The following SGCZ variants were observed in gnomAD, a reference collection of about 807,000 sequenced individuals.
SGCZ encodes sarcoglycan zeta.
A neutral mutation model predicts 41.3 loss-of-function variants in SGCZ; 40 were observed. The observed-to-expected ratio is 0.97, with a 90% CI of 0.75 to 1.26. SGCZ has a LOEUF of 1.26. Ranked by LOEUF, SGCZ falls within the 50% of genes most tolerant of loss-of-function variation. SGCZ has a pLI of 0.00. For synonymous variants in SGCZ, 206 were observed against 137.5 expected (o/e 1.50, Z -3.49); for missense variants, 552 against 369.8 (o/e 1.49, Z -4.04).
intron 2 of SGCZ, among the ~76,000 whole-genome samples, chr8:14,479,076 A>G (rs1201181256): frequency 1.3e-5 from 2 of 152,184 alleles, no homozygotes; most frequent in African/African-American, 4.8e-5. Flanking sequence ...AATAGAGTTT[A>G]TTAAGAAGTA....
chr8:14,483,210 G>C (rs992366948), intron 2 of SGCZ, among the ~76,000 whole-genome samples: 1 of 152,120 alleles, frequency 6.6e-6, no homozygotes, highest in African/African-American at 2.4e-5. Context: ...CAAAAAACAT[G>C]CCTTTAAAAC....
chr8:14,682,757 GT>G (rs1808491148), intron 1 of SGCZ, among the ~76,000 whole-genome samples: 1 of 152,136 alleles, frequency 6.6e-6, no homozygotes, highest in African/African-American at 2.4e-5. Flanking sequence ...AAACAGAGAT[GT>G]CTTTTACCAT....
At chr8:14,877,871 T>C (rs1804421663) in intron 1 of SGCZ, among the ~76,000 whole-genome samples, 1 of 152,162 alleles carries the variant, frequency 6.6e-6, no homozygotes, top group Non-Finnish European at 1.5e-5. Flanking sequence ...CATGTTCCTT[T>C]CTGTTATTAC....
At chr8:15,017,619 C>T (rs560521301) in intron 1 of SGCZ, among the ~76,000 whole-genome samples, 1 of 152,178 alleles carries the variant, frequency 6.6e-6, no homozygotes, top group South Asian at 2.1e-4. Flanking sequence ...GTTCCTCCCA[C>T]CGAAGTCTCC....
At chr8:14,926,471 C>A (rs944818777) in intron 1 of SGCZ, among the ~76,000 whole-genome samples, 2 of 151,576 alleles carry the variant, frequency 1.3e-5, no homozygotes, top group African/African-American at 2.4e-5. Flanking sequence ...ACATTTATCA[C>A]GTAAGCATCT....
chr8:14,743,398 T>C (rs147059966), intron 1 of SGCZ, among the ~76,000 whole-genome samples: 1,549 of 152,218 alleles, frequency 0.01, 24 homozygotes, highest in African/African-American at 0.035. Context: ...AAATATTAAA[T>C]CACTAATGGA....
intron 1 of SGCZ, among the ~76,000 whole-genome samples, chr8:14,986,464 C>G (rs1002455773): frequency 6.6e-6 from 1 of 152,070 alleles, no homozygotes; most frequent in Non-Finnish European, 1.5e-5. Flanking sequence ...TTGGTTATCA[C>G]ATTTCAAATC....
At chr8:14,863,870 G>A (rs1329927885) in intron 1 of SGCZ, among the ~76,000 whole-genome samples, 1 of 152,050 alleles carries the variant, frequency 6.6e-6, no homozygotes, top group Non-Finnish European at 1.5e-5. Context: ...CCTTTCATGG[G>A]GAGGGCTGTG....
intron 1 of SGCZ, among the ~76,000 whole-genome samples, chr8:14,820,316 G>C (rs1158179004): frequency 6.6e-6 from 1 of 151,960 alleles, no homozygotes; most frequent in African/African-American, 2.4e-5. Flanking sequence ...GTATATAATA[G>C]TTGCAAATAT....
At chr8:14,975,968 G>A (rs1480205011) in intron 1 of SGCZ, among the ~76,000 whole-genome samples, 18 of 141,844 alleles carry the variant, frequency 1.3e-4, no homozygotes, top group Admixed American at 1.3e-3. Context: ...ATATATGTGT[G>A]TGCGTGTGTG....
At chr8:14,291,412 TTA>T (rs1344016620) in intron 3 of SGCZ, among the ~76,000 whole-genome samples, 2 of 152,060 alleles carry the variant, frequency 1.3e-5, no homozygotes, top group Non-Finnish European at 2.9e-5. Context: ...ATATTTATGA[TTA>T]TGTGTCATTC....
chr8:14,571,146 C>T (rs960725453), intron 1 of SGCZ, among the ~76,000 whole-genome samples: 1 of 152,044 alleles, frequency 6.6e-6, no homozygotes, highest in Admixed American at 6.6e-5. Flanking sequence ...GAAGGAGAAG[C>T]AAGTACCTTG....
rs1195029222 is a variant in SGCZ at position 14,564,588 on chromosome 8, T to G, written c.40-9662A>C. On this transcript the variant is annotated intron_variant, in intron 1 of 7. Coordinates refer to ENST00000382080, the MANE Select transcript of SGCZ (RefSeq NM_139167.4). ...CTCTTTTCATTTTAACTAGTAAAAG[T>G]ACTCATTTTTAAAATGTATCGTCTA... 2.0e-5 allele frequency among the ~76,000 whole-genome samples: 3 copies of G among 152,188 alleles called. No homozygotes were observed. The East Asian group carries it at 5.8e-4, about 29-fold the overall frequency.
chr8:15,127,261 AACACACACAC>A (rs376177614), intron 1 of SGCZ, among the ~76,000 whole-genome samples: 5 of 55,368 alleles, frequency 9.0e-5, no homozygotes, highest in South Asian at 3.9e-4. Context: ...CACACAAACA[AACACACACAC>A]ACACACACAC....
At chr8:15,075,498 G>T (rs887554994) in intron 1 of SGCZ, among the ~76,000 whole-genome samples, 2 of 152,072 alleles carry the variant, frequency 1.3e-5, no homozygotes, top group Non-Finnish European at 2.9e-5. Flanking sequence ...AAGAAGCATT[G>T]TGGTTCCAGC....
chr8:14,334,040 A>G (rs1226124143), intron 2 of SGCZ, among the ~76,000 whole-genome samples: 1 of 152,060 alleles, frequency 6.6e-6, no homozygotes, highest in Non-Finnish European at 1.5e-5. Flanking sequence ...CAGGGAGGTA[A>G]TCCTGAATAC....
intron 3 of SGCZ, among the ~76,000 whole-genome samples, chr8:14,267,356 C>T (rs375506865): frequency 2.0e-5 from 3 of 151,872 alleles, no homozygotes; most frequent in Non-Finnish European, 4.4e-5. Context: ...ACATAAGTAG[C>T]GTTATCATTT....
chr8:15,057,097 C>G (rs767150117), intron 1 of SGCZ, among the ~76,000 whole-genome samples: 9 of 152,116 alleles, frequency 5.9e-5, no homozygotes, highest in Non-Finnish European at 1.2e-4. Flanking sequence ...ATCGCTGTTC[C>G]CCGATTACCA....
chr8:14,397,752 A>T (rs1798959737), intron 2 of SGCZ, among the ~76,000 whole-genome samples: 1 of 152,126 alleles, frequency 6.6e-6, no homozygotes, highest in African/African-American at 2.4e-5. Flanking sequence ...GCAAAAGCAT[A>T]CTAGAGTTCC....
Sources: gnomAD v4.1 joint callset for allele counts (sites outside exome capture counted in the v4.1 genomes callset) on GRCh38, gnomAD v4.1.1 for gene constraint, MANE v1.5 for transcripts, NCBI Gene and HGNC (gene_info 2026-07-23, HGNC 2026-07-21) for gene names.